MTUS2: variants seen among roughly 807,000 people sequenced by gnomAD.
MTUS2 encodes the protein microtubule associated scaffold protein 2.
In MTUS2, 40 loss-of-function variants were observed where a neutral mutation model predicts 114.1. That is an observed-to-expected ratio of 0.35 (90% CI 0.27 to 0.46). MTUS2 has a LOEUF of 0.46. MTUS2 is among the 20% of genes least tolerant of loss of function. The probability of loss-of-function intolerance (pLI) is 1.00; values close to 1 mark genes in which losing one functional copy is unlikely to be tolerated. For synonymous variants in MTUS2, 688 were observed against 672.0 expected, an observed-to-expected ratio of 1.02 and a Z score of -0.37; for missense variants, 1,679 against 1,705.4, an observed-to-expected ratio of 0.98 and a Z score of 0.27.
chr13:29,479,246 G>A (rs996554204), intron 9 of MTUS2, among the ~76,000 whole-genome samples: 4 of 151,332 alleles, frequency 2.6e-5, no homozygotes, highest in African/African-American at 7.3e-5. Flanking sequence ...TGTGTAGCTC[G>A]GCATTTGCAT....
At chr13:29,003,492 T>C (rs919819663) in intron 2 of MTUS2, among the ~76,000 whole-genome samples, 6 of 152,368 alleles carry the variant, frequency 3.9e-5, no homozygotes, top group East Asian at 3.9e-4. Flanking sequence ...GTGGGATTCC[T>C]CTGGAACACT....
At chr13:28,871,349 G>A (rs1877606067) in intron 2 of MTUS2, among the ~76,000 whole-genome samples, 1 of 152,150 alleles carries the variant, frequency 6.6e-6, no homozygotes, top group Non-Finnish European at 1.5e-5. Context: ...GTTATGAGGA[G>A]CTTTTCATGT....
chr13:28,835,328 A>AT (rs1398679954), intron 1 of MTUS2, among the ~76,000 whole-genome samples: 2 of 152,356 alleles, frequency 1.3e-5, no homozygotes, highest in Middle Eastern at 3.4e-3. Context: ...AGCCATAAAA[A>AT]GCAGTGAAGT....
At chr13:29,281,419 C>CTGTGTGTG (rs10682778) in intron 5 of MTUS2, among the ~76,000 whole-genome samples, 152 of 146,638 alleles carry the variant, frequency 1.0e-3, no homozygotes, top group African/African-American at 3.4e-3. Flanking sequence ...GTATGTATGT[C>CTGTGTGTG]TGTGTGTGTG....
At position 28,936,370 on chromosome 13, in the gene MTUS2, A is replaced by G. The variant is rs568350958; in HGVS notation, c.-242-88087A>G. Among the ~76,000 whole-genome samples, 102 of 152,330 alleles carry G rather than the reference A, an allele frequency of 6.7e-4. 1 individual carries two copies. Among genetic ancestry groups the G allele is most frequent in the African/African-American group, 2.1e-3 (86 of 41,578 alleles). On this transcript the variant is annotated intron_variant, in intron 2 of 15. Coordinates refer to ENST00000612955, the MANE Select transcript of MTUS2 (RefSeq NM_001033602.4). ...TTTTACTTGGAGATAAAAATGCTTT[A>G]TCTGACTTTAATCCTGACCTAGTTT...
chr13:29,249,843 C>G (rs35782826), intron 5 of MTUS2, among the ~76,000 whole-genome samples: 9,706 of 152,140 alleles, frequency 0.064, 379 homozygotes, highest in Non-Finnish European at 0.092. Flanking sequence ...TGAAACTGGA[C>G]CCCATCCTTA....
intron 2 of MTUS2, among the ~76,000 whole-genome samples, chr13:28,995,609 C>G (rs1021941132): frequency 1.3e-5 from 2 of 152,056 alleles, no homozygotes; most frequent in African/African-American, 4.8e-5. Flanking sequence ...TTGAAGAGGT[C>G]CTTCACATCC....
intron 5 of MTUS2, among the ~76,000 whole-genome samples, chr13:29,243,567 A>AC (rs1896805989): frequency 6.6e-6 from 1 of 152,220 alleles, no homozygotes; most frequent in African/African-American, 2.4e-5. Context: ...AGATTCAAGA[A>AC]CTAAAGCCTT....
intron 2 of MTUS2, among the ~76,000 whole-genome samples, chr13:28,999,148 A>C (rs933287173): frequency 3.3e-5 from 5 of 152,208 alleles, no homozygotes; most frequent in Non-Finnish European, 5.9e-5. Context: ...AGTTTGCTGG[A>C]GGTCCACTCC....
chr13:29,165,521 C>G (rs1893281146), intron 5 of MTUS2, among the ~76,000 whole-genome samples: 1 of 152,178 alleles, frequency 6.6e-6, no homozygotes, highest in Admixed American at 6.6e-5. Flanking sequence ...TTCCTGACAC[C>G]TTAATATAAA....
intron 4 of MTUS2, among the ~76,000 whole-genome samples, chr13:29,068,148 G>A (rs992815394): frequency 6.6e-6 from 1 of 152,192 alleles, no homozygotes; most frequent in Admixed American, 6.5e-5. Context: ...TGATACCATT[G>A]ACCTTGGAAC....
intron 10 of MTUS2, among the ~76,000 whole-genome samples, chr13:29,487,217 G>C (rs1358901478): frequency 6.6e-6 from 1 of 152,170 alleles, no homozygotes; most frequent in Non-Finnish European, 1.5e-5. Context: ...TGGTATTGGC[G>C]AGAGAATCCT....
intron 5 of MTUS2, chr13:29,239,278 C>A (rs1416351859): frequency 1.3e-5 from 2 of 152,164 alleles, no homozygotes; most frequent in African/African-American, 4.8e-5. Context: ...AGAACACATA[C>A]TCTCTAAAGC....
At chr13:29,478,278 T>C (rs1056480467) in intron 9 of MTUS2, among the ~76,000 whole-genome samples, 4 of 152,194 alleles carry the variant, frequency 2.6e-5, no homozygotes, top group Admixed American at 2.0e-4. Context: ...GGCAGCACTA[T>C]TGTAGCAATG....
chr13:29,210,700 G>T (rs994757906), intron 5 of MTUS2, among the ~76,000 whole-genome samples: 1 of 152,118 alleles, frequency 6.6e-6, no homozygotes, highest in Non-Finnish European at 1.5e-5. Flanking sequence ...TATTTTTTCT[G>T]GGTCTAGCCA....
chr13:29,313,704 G>T (rs758506528), intron 6 of MTUS2, among the ~76,000 whole-genome samples: 2 of 152,002 alleles, frequency 1.3e-5, no homozygotes, highest in Non-Finnish European at 2.9e-5. Context: ...AGATTAAAAG[G>T]CCCCCTAAGT....
intron 2 of MTUS2, among the ~76,000 whole-genome samples, chr13:29,010,602 A>T (rs1476275919): frequency 6.6e-6 from 1 of 151,904 alleles, no homozygotes; most frequent in Non-Finnish European, 1.5e-5. Context: ...CCACACTCTC[A>T]GCCTGTCCGT....
chr13:28,970,492 A>G (rs1422732305), intron 2 of MTUS2, among the ~76,000 whole-genome samples: 3 of 152,226 alleles, frequency 2.0e-5, no homozygotes, highest in Non-Finnish European at 4.4e-5. Flanking sequence ...ACAGCAGTTT[A>G]GTTACAACAG....
intron 9 of MTUS2, among the ~76,000 whole-genome samples, chr13:29,479,173 TC>T (rs534449237): frequency 4.7e-4 from 71 of 152,316 alleles, no homozygotes; most frequent in African/African-American, 1.5e-3. Flanking sequence ...TGCCAATGTC[TC>T]CCCAGTTCGT....
Sources: gnomAD v4.1 joint callset for allele counts (sites outside exome capture counted in the v4.1 genomes callset) on GRCh38, gnomAD v4.1.1 for gene constraint, MANE v1.5 for transcripts, NCBI Gene and HGNC (gene_info 2026-07-23, HGNC 2026-07-21) for gene names.